Variants in DPYS observed in about 807,000 individuals in gnomAD.
The protein encoded by DPYS is dihydropyrimidine amidohydrolase.
DPYS carries 39 observed loss-of-function variants against 50.3 expected under a neutral mutation model. The observed-to-expected ratio is 0.78, with a 90% CI of 0.60 to 1.01. The LOEUF (loss-of-function observed/expected upper bound fraction) is 1.01, where lower values mean the gene tolerates loss of function less well. Among genes scored for constraint, DPYS ranks in the 50% least tolerant of loss-of-function variants. DPYS has a pLI of 0.00. For synonymous variants in DPYS, 245 were observed against 250.7 expected (o/e 0.98, Z 0.22); for missense variants, 659 against 680.9 (o/e 0.97, Z 0.36).
At chr8:104,382,069 T>A (rs1005694184) in intron 8 of DPYS, among the ~76,000 whole-genome samples, 2 of 152,198 alleles carry the variant, frequency 1.3e-5, no homozygotes, top group African/African-American at 2.4e-5. Flanking sequence ...TCCTCATCCA[T>A]GAAATGGGGG....
intron 1 of DPYS, among the ~76,000 whole-genome samples, chr8:104,464,374 G>A (rs149497637): frequency 2.6e-5 from 4 of 152,232 alleles, no homozygotes; most frequent in Non-Finnish European, 4.4e-5. Context: ...GAGAAAGAGA[G>A]GGAATGCCCC....
intron 7 of DPYS, among the ~76,000 whole-genome samples, chr8:104,410,551 T>G (rs747040177): frequency 1.1e-4 from 17 of 151,956 alleles, no homozygotes; most frequent in Non-Finnish European, 2.5e-4. Context: ...CCAGGGTGAG[T>G]TGGTTTTGCT....
Position 104,433,087 on chromosome 8 carries a change from C to T in DPYS, c.794-3386G>A, listed in dbSNP as rs1297894490. On this transcript the variant is annotated intron_variant, in intron 4 of 9. Coordinates refer to ENST00000351513, the MANE Select transcript of DPYS (RefSeq NM_001385.3). ...CGTGAAGACACAGGAAGAAGATGGC[C>T]ATCTATAAGCCAAGAAGAAAAGCCT... is the stretch of plus-strand genomic sequence containing the variant. Among the ~76,000 whole-genome samples, 4 of 152,142 alleles carry T rather than the reference C, an allele frequency of 2.6e-5. No individual in the cohort carries two copies. The East Asian group carries it at 7.7e-4, about 29-fold the overall frequency.
chr8:104,382,822 T>TCC (rs1811101654), intron 8 of DPYS, among the ~76,000 whole-genome samples: 1 of 152,110 alleles, frequency 6.6e-6, no homozygotes, highest in South Asian at 2.1e-4. Context: ...ATATTTCAGT[T>TCC]CAATCTTCAG....
At chr8:104,458,347 C>T (rs959138365) in intron 1 of DPYS, among the ~76,000 whole-genome samples, 1 of 152,184 alleles carries the variant, frequency 6.6e-6, no homozygotes, top group African/African-American at 2.4e-5. Flanking sequence ...AACTCATTCA[C>T]TCCACTCCAC....
chr8:104,388,897 C>A (rs548131947), intron 8 of DPYS, among the ~76,000 whole-genome samples: 2 of 152,314 alleles, frequency 1.3e-5, no homozygotes, highest in Admixed American at 6.5e-5. Flanking sequence ...ATCAAGCTCT[C>A]ACAAGATAAT....
intron 7 of DPYS, among the ~76,000 whole-genome samples, chr8:104,393,693 G>A (rs6999483): frequency 0.066 from 9,980 of 152,148 alleles, 504 homozygotes; most frequent in African/African-American, 0.14. Flanking sequence ...TGACTTTCAG[G>A]CTGGGTATTT....
At chr8:104,386,076 C>T (rs1355986330) in intron 8 of DPYS, among the ~76,000 whole-genome samples, 1 of 152,174 alleles carries the variant, frequency 6.6e-6, no homozygotes, top group Non-Finnish European at 1.5e-5. Flanking sequence ...TTTGATGATA[C>T]TTGTCATTGT....
chr8:104,390,429 G>C (rs1018424173), intron 8 of DPYS, among the ~76,000 whole-genome samples: 1 of 151,956 alleles, frequency 6.6e-6, no homozygotes, highest in Non-Finnish European at 1.5e-5. Context: ...TTATGTCCTG[G>C]CTCTGCCATA....
chr8:104,384,912 C>A (rs557459676), intron 8 of DPYS, among the ~76,000 whole-genome samples: 1 of 152,316 alleles, frequency 6.6e-6, no homozygotes, highest in South Asian at 2.1e-4. Context: ...CACTGGTCAG[C>A]CTTCTCAGAC....
chr8:104,390,564 CT>C (rs1811355532), intron 8 of DPYS, among the ~76,000 whole-genome samples: 1 of 149,864 alleles, frequency 6.7e-6, no homozygotes, highest in African/African-American at 2.5e-5. Context: ...GTGGTGTGAT[CT>C]TGGCTCACTG....
intron 7 of DPYS, among the ~76,000 whole-genome samples, chr8:104,399,310 AC>A (rs1349595042): frequency 0.043 from 1,713 of 39,444 alleles, 108 homozygotes; most frequent in South Asian, 0.092. Flanking sequence ...AAAAAAAAAA[AC>A]AACAACAAAA....
chr8:104,403,835 T>C (rs1369401618), intron 7 of DPYS, among the ~76,000 whole-genome samples: 2 of 152,160 alleles, frequency 1.3e-5, no homozygotes, highest in African/African-American at 4.8e-5. Context: ...AAGAATTGTG[T>C]GAAATCCACA....
At position 104,444,235 on chromosome 8, in the gene DPYS, A is replaced by G. The variant is rs1221995359; in HGVS notation, c.793+13T>C. ...AACACTGAGTTCTAAGTGAGGTTAC[A>G]TTCGAGAATTACCATCTCTCCTTGC... On this transcript the variant is annotated intron_variant, in intron 4 of 9. Coordinates refer to ENST00000351513, the MANE Select transcript of DPYS (RefSeq NM_001385.3). 9 of 1,613,916 alleles carry G rather than the reference A, an allele frequency of 5.6e-6. No homozygotes were observed. Among genetic ancestry groups the G allele is most frequent in the Non-Finnish European group, 7.6e-6 (9 of 1,179,942 alleles).
At chr8:104,382,713 A>C (rs889831133) in intron 8 of DPYS, among the ~76,000 whole-genome samples, 6 of 152,062 alleles carry the variant, frequency 3.9e-5, no homozygotes. Flanking sequence ...TGAGCAAACC[A>C]AGATTTATGT....
chr8:104,447,153 G>A (rs1013565502), intron 3 of DPYS, among the ~76,000 whole-genome samples, 171 bp downstream of exon 3: 1 of 152,316 alleles, frequency 6.6e-6, no homozygotes, highest in African/African-American at 2.4e-5. Flanking sequence ...AGGAAATGGA[G>A]TTGGGAGTTT....
At chr8:104,424,193 A>G in intron 7 of DPYS, 54 bp downstream of exon 7, 1 of 1,613,464 alleles carries the variant, frequency 6.2e-7, no homozygotes, top group South Asian at 1.1e-5. Flanking sequence ...TTTCTGTGCA[A>G]GTTAGTGCAT....
At chr8:104,384,877 T>A (rs557238678) in intron 8 of DPYS, among the ~76,000 whole-genome samples, 4 of 152,234 alleles carry the variant, frequency 2.6e-5, no homozygotes, top group Non-Finnish European at 5.9e-5. Context: ...TGGGACTCCA[T>A]GTTCTCCTGA....
chr8:104,449,619 G>A (rs766711855), intron 2 of DPYS, among the ~76,000 whole-genome samples: 2 of 152,176 alleles, frequency 1.3e-5, no homozygotes, highest in Non-Finnish European at 2.9e-5. Flanking sequence ...ATGAGGACAC[G>A]AGCATGTGCG....
Sources: allele counts gnomAD v4.1 joint callset (sites outside exome capture counted in the v4.1 genomes callset), GRCh38; gene constraint gnomAD v4.1.1; transcripts MANE v1.5; gene names NCBI Gene and HGNC (gene_info 2026-07-23, HGNC 2026-07-21).